Variants in PIK3R1 observed in about 807,000 individuals in gnomAD.
The protein encoded by PIK3R1 is phosphatidylinositol 3-kinase regulatory subunit alpha.
Under a neutral mutation model 98.0 loss-of-function variants are expected in PIK3R1, and 29 were observed. The observed-to-expected ratio is 0.30, with a 90% confidence interval of 0.22 to 0.40. The LOEUF (loss-of-function observed/expected upper bound fraction) is 0.40, where lower values mean the gene tolerates loss of function less well. Ranked by LOEUF, PIK3R1 falls within the 10% of genes least tolerant of loss-of-function variation. PIK3R1 has a pLI of 1.00. For missense variants in PIK3R1, 596 were observed against 872.7 expected, an observed-to-expected ratio of 0.68 and a Z score of 3.99; for synonymous variants, 282 against 311.8, an observed-to-expected ratio of 0.90 and a Z score of 1.01.
intron 2 of PIK3R1, among the ~76,000 whole-genome samples, chr5:68,270,601 G>A (rs1746314168): frequency 6.6e-6 from 1 of 152,106 alleles, no homozygotes; most frequent in Admixed American, 6.5e-5. Flanking sequence ...GGTTGCATGA[G>A]AGTTGCATGG....
At position 68,253,596 on chromosome 5, in the gene PIK3R1, A is replaced by AT. The variant is rs143740942; in HGVS notation, c.335-19785dup. On this transcript the variant is annotated intron_variant, in intron 2 of 15. Transcript: ENST00000521381. ...ACTTGACTTAAAAATAAAGGGATCT[A>AT]TTTTTTTTTAAGGTTCAGAACCCTA... 8.8e-3 allele frequency among the ~76,000 whole-genome samples: 1,333 copies of AT among 151,250 alleles called. 30 individuals are homozygous for AT. Among genetic ancestry groups the AT allele is most frequent in the African/African-American group, 0.031 (1,269 of 41,250 alleles).
chr5:68,248,026 C>G (rs1425365444), intron 2 of PIK3R1, among the ~76,000 whole-genome samples: 5 of 149,920 alleles, frequency 3.3e-5, no homozygotes, highest in African/African-American at 1.2e-4. Flanking sequence ...GGGTCTTGCT[C>G]TGCTGCCCAG....
chr5:68,256,520 G>A (rs1048109906), intron 2 of PIK3R1, among the ~76,000 whole-genome samples: 3 of 152,088 alleles, frequency 2.0e-5, no homozygotes, highest in Non-Finnish European at 4.4e-5. Flanking sequence ...GTGAGCCACC[G>A]CACCCAGCAA....
At position 68,297,666 on chromosome 5, in the gene PIK3R1, C is replaced by G; in HGVS notation, c.*65C>G. 7.5e-7 allele frequency: 1 copy of G among 1,337,712 alleles called. No individual in the cohort carries two copies. The highest frequency in any genetic ancestry group is 1.3e-5 in the South Asian group (1 of 79,030). The allele number at this position is 1,337,712 out of a possible 1,614,324, so 82.9% of individuals were successfully genotyped here. On this transcript the variant is annotated 3_prime_UTR_variant, in exon 16 of 16. Transcript: ENST00000521381. Reference sequence around the variant, plus strand: ...CCTGAGGCCTCTGGAAAGCAAAGGGCTCCTCTCCAGTCTGATCTGTGAATT... The same window carrying G: ...CCTGAGGCCTCTGGAAAGCAAAGGGGTCCTCTCCAGTCTGATCTGTGAATT...
At chr5:68,285,586 G>A (rs533487134) in intron 7 of PIK3R1, among the ~76,000 whole-genome samples, 5 of 152,300 alleles carry the variant, frequency 3.3e-5, no homozygotes, top group East Asian at 1.9e-4. Context: ...AGAGACACAG[G>A]TATTTTGGTA....
intron 2 of PIK3R1, among the ~76,000 whole-genome samples, chr5:68,261,129 C>T: frequency 6.6e-6 from 1 of 152,136 alleles, no homozygotes; most frequent in East Asian, 1.9e-4. Flanking sequence ...TGATTTCTTC[C>T]AGATTTTCAA....
At position 68,226,643 on chromosome 5, in the gene PIK3R1, G is replaced by A; in HGVS notation, c.-33G>A. 1.3e-6 allele frequency: 2 copies of A among 1,555,626 alleles called. No individual in the cohort carries two copies. The highest frequency in any genetic ancestry group is 1.8e-6 in the Non-Finnish European group (2 of 1,129,876). ...AAATCAGACTGCTCTGTACAACCAGGCTCAACTGTTGCATGGTAGCAGATT... is the reference window on the plus strand; with the variant it reads ...AAATCAGACTGCTCTGTACAACCAGACTCAACTGTTGCATGGTAGCAGATT... On this transcript the variant is annotated 5_prime_UTR_variant, in exon 2 of 16. Transcript: ENST00000521381.
rs970456455 is a variant in PIK3R1, at chr5:68,216,023, G to C, written c.-387+74G>C. 3.3e-5 allele frequency: 5 copies of C among 152,230 alleles called. No homozygotes were observed. The South Asian group carries it at 1.0e-3, about 32-fold the overall frequency. The allele number at this position is 152,230 out of a possible 1,614,324, so 9.4% of individuals were successfully genotyped here. A position where few individuals can be genotyped will look rare whatever the true frequency, so the allele number is the denominator to read the frequency against. ...CGGTGCATGTGTGCACGGCTGCCGC[G>C]ACTCTCTTCCTGTCACTGGCAGCGG... is the stretch of plus-strand genomic sequence containing the variant. On this transcript the variant is annotated intron_variant, in intron 1 of 15. Coordinates refer to ENST00000521381, the MANE Select transcript of PIK3R1 (RefSeq NM_181523.3).
chr5:68,278,080 C>A lies in PIK3R1; in HGVS notation c.503-1522C>A, dbSNP rs183003682. Among the ~76,000 whole-genome samples, 351 of 152,122 alleles carry A rather than the reference C, an allele frequency of 2.3e-3. 1 individual carries two copies. The highest frequency in any genetic ancestry group is 8.1e-3 in the African/African-American group (337 of 41,514). ...CACCCCTGCCCCCAGATCTTTGTTT[C>A]TAGCATCCCTTTCTTCTGCTGGGCA... On this transcript the variant is annotated intron_variant, in intron 4 of 15. Transcript: ENST00000521381.
intron 1 of PIK3R1, among the ~76,000 whole-genome samples, chr5:68,224,804 G>C (rs1394568986): frequency 6.6e-6 from 1 of 152,208 alleles, no homozygotes; most frequent in Non-Finnish European, 1.5e-5. Flanking sequence ...AGTACAAAGT[G>C]TATATGTGTA....
chr5:68,301,527 CAAA>C lies in PIK3R1; in HGVS notation c.*3933_*3935del, dbSNP rs200255602. ...ATATATGTATTTAAAAAAATCAAAACAAAAAAAAACTCATTTATACCTGTGTAT... is the reference window on the plus strand; with the variant it reads ...ATATATGTATTTAAAAAAATCAAAACAAAAAACTCATTTATACCTGTGTAT... On this transcript the variant is annotated 3_prime_UTR_variant, in exon 16 of 16. Transcript: ENST00000521381. 8 of 141,824 alleles carry C rather than the reference CAAA, an allele frequency of 5.6e-5. No homozygotes were observed. Among genetic ancestry groups the C allele is most frequent in the Non-Finnish European group, 9.0e-5 (6 of 66,480 alleles). 8.8% of individuals were successfully genotyped at this position (141,824 alleles called of 1,614,324 possible). A position where few individuals can be genotyped will look rare whatever the true frequency, so the allele number is the denominator to read the frequency against.
At chr5:68,242,625 C>A (rs1386963599) in intron 2 of PIK3R1, among the ~76,000 whole-genome samples, 1 of 152,134 alleles carries the variant, frequency 6.6e-6, no homozygotes, top group African/African-American at 2.4e-5. Flanking sequence ...GTTAGGGTAT[C>A]CCCAAGAGCT....
chr5:68,259,821 G>T (rs1052245253), intron 2 of PIK3R1, among the ~76,000 whole-genome samples: 1 of 152,110 alleles, frequency 6.6e-6, no homozygotes, highest in Non-Finnish European at 1.5e-5. Flanking sequence ...GGACCTCATG[G>T]GATGACACTC....
intron 2 of PIK3R1, among the ~76,000 whole-genome samples, chr5:68,234,738 G>T (rs145427553): frequency 0.016 from 2,365 of 152,290 alleles, 34 homozygotes; most frequent in Middle Eastern, 0.02. Context: ...TCCAAGGTAA[G>T]TAGAGAGTGA....
intron 2 of PIK3R1, among the ~76,000 whole-genome samples, chr5:68,237,908 A>G (rs1000055479): frequency 1.3e-5 from 2 of 152,138 alleles, no homozygotes; most frequent in African/African-American, 4.8e-5. Flanking sequence ...GTCCTCAGGA[A>G]TGCTCTTCCC....
intron 2 of PIK3R1, among the ~76,000 whole-genome samples, chr5:68,238,102 G>A (rs2112010356): frequency 6.6e-6 from 1 of 152,358 alleles, no homozygotes; most frequent in East Asian, 1.9e-4. Context: ...TTCACTGAGG[G>A]TTTTGAGTAT....
intron 2 of PIK3R1, among the ~76,000 whole-genome samples, chr5:68,260,971 C>T (rs1487737409): frequency 3.9e-5 from 6 of 152,160 alleles, no homozygotes; most frequent in Non-Finnish European, 5.9e-5. Flanking sequence ...TTTTAAACCA[C>T]CTATCCCCTG....
intron 2 of PIK3R1, among the ~76,000 whole-genome samples, chr5:68,232,406 AG>A (rs1451011339): frequency 1.3e-5 from 2 of 152,212 alleles, no homozygotes; most frequent in African/African-American, 4.8e-5. Context: ...TGCTTTTTGC[AG>A]GAGGGTTCTT....
At position 68,275,520 on chromosome 5, in the gene PIK3R1, T is replaced by TA. The variant is rs58065578; in HGVS notation, c.502+1522dup. Among the ~76,000 whole-genome samples the TA allele has an allele frequency of 4.0e-3, 567 of 143,058 alleles. 1 individual carries two copies. Among genetic ancestry groups the TA allele is most frequent in the Middle Eastern group, 0.011 (3 of 284 alleles). The allele number at this position is 143,058 out of a possible 152,430, so 93.9% of individuals were successfully genotyped here. A position where few individuals can be genotyped will look rare whatever the true frequency, so the allele number is the denominator to read the frequency against. The stretch of plus-strand genomic sequence containing the variant: ...CACAAAATGATGCAGTTTAGTTATT[T>TA]AAAAAAAAAAAAAAACTCTTCACAC... On this transcript the variant is annotated intron_variant, in intron 4 of 15. Transcript: ENST00000521381.
Sources: allele counts gnomAD v4.1 joint callset (sites outside exome capture counted in the v4.1 genomes callset), GRCh38; gene constraint gnomAD v4.1.1; transcripts MANE v1.5; gene names NCBI Gene and HGNC (gene_info 2026-07-23, HGNC 2026-07-21).